The following UMPS variants were observed in gnomAD, a reference collection of about 807,000 sequenced individuals.
The protein encoded by UMPS is uridine monophosphate synthetase.
Under a neutral mutation model 38.9 loss-of-function variants are expected in UMPS, and 21 were observed. The observed-to-expected ratio is 0.54, with a 90% CI of 0.38 to 0.78. The LOEUF (loss-of-function observed/expected upper bound fraction) is 0.78. Among genes scored for constraint, UMPS ranks in the 30% least tolerant of loss-of-function variants. The pLI, the probability that UMPS is intolerant of heterozygous loss-of-function variation, is 0.00. For synonymous variants in UMPS, 208 were observed against 219.3 expected (o/e 0.95, Z 0.45); for missense variants, 533 against 591.6 (o/e 0.90, Z 1.03).
intron 1 of UMPS, 40 bp downstream of exon 1, chr3:124,730,667 G>A: frequency 6.2e-7 from 1 of 1,601,130 alleles, no homozygotes; most frequent in African/African-American, 1.3e-5. Context: ...CTTGGTGGCG[G>A]GAAGGAGGAC....
rs548237479 is a variant in UMPS at position 124,746,636 on chromosome 3, A to G, written c.*2552A>G. The G allele has an allele frequency of 5.0e-4, 227 of 454,086 alleles. 1 individual carries two copies. The highest frequency in any genetic ancestry group is 7.8e-4 in the Admixed American group (33 of 42,572). 28.1% of individuals were successfully genotyped at this position (454,086 alleles called of 1,614,324 possible). On this transcript the variant is annotated 3_prime_UTR_variant, in exon 6 of 6. Coordinates refer to ENST00000232607, the MANE Select transcript of UMPS (RefSeq NM_000373.4). Reference sequence around the variant, plus strand: ...GTAACTCCTGGTCTTAGTGGGGAATATAGGGACCCCATGTCTCCATGGGGT... The same window carrying G: ...GTAACTCCTGGTCTTAGTGGGGAATGTAGGGACCCCATGTCTCCATGGGGT...
intron 5 of UMPS, among the ~76,000 whole-genome samples, chr3:124,743,462 T>G (rs565488058): frequency 9.3e-5 from 14 of 149,762 alleles, no homozygotes; most frequent in African/African-American, 3.4e-4. Flanking sequence ...ACGGTGAAAC[T>G]CCATCTCTAC....
At chr3:124,735,351 TC>T in intron 2 of UMPS, 105 bp downstream of exon 2, 1 of 1,088,450 alleles carries the variant, frequency 9.2e-7, no homozygotes, top group Non-Finnish European at 1.4e-6. Flanking sequence ...CATCTTGAGT[TC>T]TTTAAGTTGT....
At chr3:124,730,673 A>G (rs756259940) in intron 1 of UMPS, 46 bp downstream of exon 1, 1 of 1,596,606 alleles carries the variant, frequency 6.3e-7, no homozygotes. Context: ...GGCGGGAAGG[A>G]GGACAAGGAA....
chr3:124,731,272 G>T (rs1336402297), intron 1 of UMPS, among the ~76,000 whole-genome samples: 2 of 152,104 alleles, frequency 1.3e-5, no homozygotes, highest in Non-Finnish European at 2.9e-5. Context: ...GAAATTACTG[G>T]TGAGAAAAGG....
In UMPS at chr3:124,735,243, T is replaced by C; in HGVS notation, c.307T>C (p.Tyr103His). The C allele has an allele frequency of 6.2e-7, 1 of 1,611,490 alleles. No individual in the cohort carries two copies. Among genetic ancestry groups the C allele is most frequent in the Non-Finnish European group, 8.5e-7 (1 of 1,177,860 alleles). Residue 103 changes from tyrosine (Y) to histidine (H), a missense_variant, in exon 2 of 6, where the codon TAT becomes CAT. Tyr to His is a moderately conservative substitution (Grantham distance 83). Coordinates refer to ENST00000232607, the MANE Select transcript of UMPS (RefSeq NM_000373.4). ...TATTAGAAGGAAAGAAACAAAGGAT[T>C]ATGGTAAAATAAAAGTAACATAAAG... ...MLIRRKETKD[Y>H]GTKRLVEGTI...
Position 124,737,597 on chromosome 3 carries a change from A to C in UMPS, c.340A>C (p.Asn114His), listed in dbSNP as rs2063526594. 1.9e-6 allele frequency: 3 copies of C among 1,614,218 alleles called. No homozygotes were observed. Among genetic ancestry groups the C allele is most frequent in the Non-Finnish European group, 8.5e-7 (1 of 1,180,042 alleles). ...TAAGCGTCTTGTAGAAGGAACTATTAATCCAGGAGAAACCTGTTTAATCAT... is the reference window on the plus strand; with the variant it reads ...TAAGCGTCTTGTAGAAGGAACTATTCATCCAGGAGAAACCTGTTTAATCAT... ...GTKRLVEGTI[N>H]PGETCLIIED... Residue 114 changes from asparagine (N) to histidine (H), a missense_variant, in exon 3 of 6, where the codon AAT becomes CAT. Transcript: ENST00000232607.
Position 124,749,001 on chromosome 3 carries a change from T to G in UMPS, c.*4917T>G. ...ACAACCATGTCTTCGGGGGTGCCCTTGTGCACAGACAGCTCCATAGTCCTG... is the reference window on the plus strand; with the variant it reads ...ACAACCATGTCTTCGGGGGTGCCCTGGTGCACAGACAGCTCCATAGTCCTG... On this transcript the variant is annotated 3_prime_UTR_variant, in exon 6 of 6. Coordinates refer to ENST00000232607, the MANE Select transcript of UMPS (RefSeq NM_000373.4). The G allele has an allele frequency of 2.2e-6, 1 of 454,030 alleles. No homozygotes were observed. The highest frequency in any genetic ancestry group is 1.6e-5 in the South Asian group (1 of 64,462). 28.1% of individuals were successfully genotyped at this position (454,030 alleles called of 1,614,324 possible). A position where few individuals can be genotyped will look rare whatever the true frequency, so the allele number is the denominator to read the frequency against.
chr3:124,735,300 CTT>C, intron 2 of UMPS, 54 bp downstream of exon 2: 1 of 1,536,844 alleles, frequency 6.5e-7, no homozygotes, highest in Non-Finnish European at 8.9e-7. Flanking sequence ...ACATCATACT[CTT>C]AGAATTTTTC....
Position 124,746,706 on chromosome 3 carries a change from C to T in UMPS, c.*2622C>T, listed in dbSNP as rs1419604624. The T allele has an allele frequency of 2.2e-6, 1 of 451,694 alleles. No individual in the cohort carries two copies. The highest frequency in any genetic ancestry group is 4.4e-6 in the Non-Finnish European group (1 of 225,240). 28.0% of individuals were successfully genotyped at this position (451,694 alleles called of 1,614,324 possible). A position where few individuals can be genotyped will look rare whatever the true frequency, so the allele number is the denominator to read the frequency against. ...CTGATGGAGTGGAGAACGCCATCCC[C>T]CAGCCTCTCCAGCTACTCGAGGCAT... On this transcript the variant is annotated 3_prime_UTR_variant, in exon 6 of 6. Transcript: ENST00000232607.
rs1174614624 is a variant in UMPS, at chr3:124,747,723, G to A, written c.*3639G>A. The A allele has an allele frequency of 2.2e-6, 1 of 453,290 alleles. No individual in the cohort carries two copies. The highest frequency in any genetic ancestry group is 1.6e-5 in the South Asian group (1 of 64,464). The allele number at this position is 453,290 out of a possible 1,614,324, so 28.1% of individuals were successfully genotyped here. On this transcript the variant is annotated 3_prime_UTR_variant, in exon 6 of 6. Coordinates refer to ENST00000232607, the MANE Select transcript of UMPS (RefSeq NM_000373.4). ...AACTTGCTGCAGCTCTCTGGATCCAGCCTGGTTACCAGGAAGACAAAAACT... is the reference window on the plus strand; with the variant it reads ...AACTTGCTGCAGCTCTCTGGATCCAACCTGGTTACCAGGAAGACAAAAACT...
In UMPS at chr3:124,740,225, A is replaced by AG; in HGVS notation, c.1158+31dup. The AG allele has an allele frequency of 1.9e-6, 3 of 1,587,048 alleles. No individual in the cohort carries two copies. The East Asian group carries it at 6.7e-5, about 36-fold the overall frequency. ...GTAAGTGGTGGGGGGACTGGGTGAG[A>AG]GGGGGCAGGGGCTGCTATGCTGCAT... On this transcript the variant is annotated intron_variant, in intron 4 of 5. Transcript: ENST00000232607.
Position 124,730,591 on chromosome 3 carries a change from G to C in UMPS, c.120G>C (p.Leu40=). ...SGLSSPIYID[L]RGIVSRPRLL... ...TTTCCTCCCCCATCTACATCGATCTGCGGGGCATCGTGTCTCGACCGCGTC... is the reference window on the plus strand; with the variant it reads ...TTTCCTCCCCCATCTACATCGATCTCCGGGGCATCGTGTCTCGACCGCGTC... The change falls in exon 1 of 6, where the codon CTG becomes CTC. Residue 40 remains leucine, a synonymous_variant. Coordinates refer to ENST00000232607, the MANE Select transcript of UMPS (RefSeq NM_000373.4). 1 of 1,612,682 alleles carries C rather than the reference G, an allele frequency of 6.2e-7. No individual in the cohort carries two copies.
Position 124,744,270 on chromosome 3 carries a change from G to C in UMPS, c.*186G>C. 1 of 733,406 alleles carries C rather than the reference G, an allele frequency of 1.4e-6. No individual in the cohort carries two copies. 45.4% of individuals were successfully genotyped at this position (733,406 alleles called of 1,614,324 possible). The stretch of plus-strand genomic sequence containing the variant: ...TTGAGTAATTTGTAATCACCGCATT[G>C]ATACTATAATAAGTTCATTCTTAAG... On this transcript the variant is annotated 3_prime_UTR_variant, in exon 6 of 6. Coordinates refer to ENST00000232607, the MANE Select transcript of UMPS (RefSeq NM_000373.4).
At position 124,742,253 on chromosome 3, in the gene UMPS, G is replaced by T. The variant is rs756818678; in HGVS notation, c.1260G>T (p.Gln420His). ...TTCTTCACTTGACTCCAGGAGTTCA[G>T]TTGGAAGCAGGAGGTAAATCTGGTC... ...PEFLHLTPGV[Q>H]LEAGGDNLGQ... The change falls in exon 5 of 6, where the codon CAG becomes CAT. Residue 420 changes from glutamine to histidine, a missense_variant. Coordinates refer to ENST00000232607, the MANE Select transcript of UMPS (RefSeq NM_000373.4). The T allele has an allele frequency of 7.4e-6, 12 of 1,613,882 alleles. No homozygotes were observed. The highest frequency in any genetic ancestry group is 1.1e-5 in the South Asian group (1 of 91,076).
chr3:124,731,967 A>G (rs1028735452), intron 1 of UMPS, among the ~76,000 whole-genome samples: 1 of 142,710 alleles, frequency 7.0e-6, no homozygotes, highest in African/African-American at 2.5e-5. Flanking sequence ...CCAAATTAAA[A>G]ATTTTTTTTT....
chr3:124,748,029 A>C lies in UMPS; in HGVS notation c.*3945A>C, dbSNP rs1205036162. 2 of 445,824 alleles carry C rather than the reference A, an allele frequency of 4.5e-6. No individual in the cohort carries two copies. The highest frequency in any genetic ancestry group is 9.0e-6 in the Non-Finnish European group (2 of 222,648). The allele number at this position is 445,824 out of a possible 1,614,324, so 27.6% of individuals were successfully genotyped here. A position where few individuals can be genotyped will look rare whatever the true frequency, so the allele number is the denominator to read the frequency against. ...AGGAATCTGATACTAAACACAAAGCATGAGAAAAATCAGGACTTGTTGGAG... is the reference window on the plus strand; with the variant it reads ...AGGAATCTGATACTAAACACAAAGCCTGAGAAAAATCAGGACTTGTTGGAG... On this transcript the variant is annotated 3_prime_UTR_variant, in exon 6 of 6. Transcript: ENST00000232607.
intron 5 of UMPS, among the ~76,000 whole-genome samples, chr3:124,743,610 C>G (rs1579137742): frequency 6.6e-6 from 1 of 151,996 alleles, no homozygotes; most frequent in East Asian, 1.9e-4. Context: ...TGCACTCCAG[C>G]CTGGGTGACA....
At chr3:124,735,892 G>T (rs2063515004) in intron 2 of UMPS, among the ~76,000 whole-genome samples, 1 of 151,878 alleles carries the variant, frequency 6.6e-6, no homozygotes, top group Non-Finnish European at 1.5e-5. Flanking sequence ...CAGGAGATGC[G>T]CTTGAACCCA....
Sources: allele counts gnomAD v4.1 joint callset (sites outside exome capture counted in the v4.1 genomes callset), GRCh38; gene constraint gnomAD v4.1.1; transcripts MANE v1.5; gene names NCBI Gene and HGNC (gene_info 2026-07-23, HGNC 2026-07-21).